PATJ: variants seen among roughly 807,000 people sequenced by gnomAD.
PATJ encodes the protein PATJ crumbs cell polarity complex component, also known as inaD-like protein.
Under a neutral mutation model 224.9 loss-of-function variants are expected in PATJ, and 190 were observed. The observed-to-expected ratio is 0.84, with a 90% CI of 0.75 to 0.95. The LOEUF is 0.95. Ranked by LOEUF, PATJ falls within the 40% of genes least tolerant of loss-of-function variation. PATJ has a pLI of 0.00. For synonymous variants in PATJ, 769 were observed against 820.3 expected (o/e 0.94, Z 1.07); for missense variants, 2,121 against 2,270.3 (o/e 0.93, Z 1.34).
At chr1:62,047,571 T>C (rs1652796680) in intron 30 of PATJ, among the ~76,000 whole-genome samples, 1 of 152,092 alleles carries the variant, frequency 6.6e-6, no homozygotes, top group Admixed American at 6.6e-5. Flanking sequence ...ATTTCAAAGC[T>C]CCACTTGGCC....
Position 62,162,650 on chromosome 1 carries a change from GT to G in PATJ, c.*1601del. On this transcript the variant is annotated 3_prime_UTR_variant, in exon 44 of 44. Coordinates refer to ENST00000642238, the MANE Select transcript of PATJ (RefSeq NM_001350145.3). ...ACTGGTGGATGCTATAGAGTCCTCT[GT>G]TTTTAAAAGTACCATGGCCGGGTGC... The G allele has an allele frequency of 6.5e-6, 1 of 153,984 alleles. No individual in the cohort carries two copies. Among genetic ancestry groups the G allele is most frequent in the South Asian group, 1.9e-4 (1 of 5,142 alleles). 9.5% of individuals were successfully genotyped at this position (153,984 alleles called of 1,614,324 possible).
chr1:61,966,331 G>A (rs1270832262), intron 27 of PATJ, among the ~76,000 whole-genome samples: 3 of 152,190 alleles, frequency 2.0e-5, no homozygotes, highest in African/African-American at 7.2e-5. Flanking sequence ...AAGGGGTTAG[G>A]ATCCAGACCC....
chr1:61,961,322 A>C (rs1681250881), intron 27 of PATJ, among the ~76,000 whole-genome samples: 2 of 152,188 alleles, frequency 1.3e-5, no homozygotes, highest in Admixed American at 1.3e-4. Flanking sequence ...GTGTTACTAG[A>C]TATTCTGAAA....
chr1:61,979,470 T>C (rs968156890), intron 27 of PATJ, among the ~76,000 whole-genome samples: 10 of 151,802 alleles, frequency 6.6e-5, no homozygotes, highest in South Asian at 2.1e-4. Flanking sequence ...CCGGCCAACA[T>C]GGTAAAACTC....
intron 7 of PATJ, among the ~76,000 whole-genome samples, chr1:61,776,728 CTTT>C (rs34101329): frequency 2.1e-5 from 3 of 142,294 alleles, no homozygotes; most frequent in Admixed American, 7.1e-5. Context: ...GATTAATCTA[CTTT>C]TTTTTTTTTT....
intron 4 of PATJ, among the ~76,000 whole-genome samples, chr1:61,768,472 A>AAAATAAAAAAATAAAT (rs1553154658): frequency 2.0e-5 from 3 of 149,306 alleles, no homozygotes; most frequent in Admixed American, 6.6e-5. Context: ...TCCGTCTCAA[A>AAAATAAAAAAATAAAT]AAATAAATAA....
At chr1:62,132,181 GT>G (rs1158688233) in intron 41 of PATJ, among the ~76,000 whole-genome samples, 2 of 152,148 alleles carry the variant, frequency 1.3e-5, no homozygotes, top group Non-Finnish European at 2.9e-5. Context: ...GATTTGTGGT[GT>G]TTTGGTAGAA....
intron 31 of PATJ, among the ~76,000 whole-genome samples, chr1:62,054,736 A>T (rs1368379197): frequency 6.6e-6 from 1 of 152,162 alleles, no homozygotes; most frequent in Non-Finnish European, 1.5e-5. Flanking sequence ...TTTCATCTAT[A>T]ATCTCATTGG....
At chr1:62,040,259 C>T (rs1347739432) in intron 30 of PATJ, among the ~76,000 whole-genome samples, 1 of 151,950 alleles carries the variant, frequency 6.6e-6, no homozygotes, top group African/African-American at 2.4e-5. Flanking sequence ...CAGGCGCACA[C>T]TACCACGCCT....
At chr1:61,873,171 TTA>T (rs1018549114) in intron 20 of PATJ, among the ~76,000 whole-genome samples, 3 of 152,088 alleles carry the variant, frequency 2.0e-5, no homozygotes, top group Admixed American at 6.6e-5. Flanking sequence ...TTTCTTATTT[TTA>T]TTATTTATTT....
intron 27 of PATJ, among the ~76,000 whole-genome samples, chr1:61,969,902 C>T (rs955569348): frequency 1.3e-5 from 2 of 152,020 alleles, no homozygotes; most frequent in Admixed American, 6.6e-5. Flanking sequence ...CCATGTTGGC[C>T]GGACTGGTCT....
At chr1:61,976,404 G>T (rs146648224) in intron 27 of PATJ, among the ~76,000 whole-genome samples, 2,326 of 151,824 alleles carry the variant, frequency 0.015, 20 homozygotes, top group Non-Finnish European at 0.025. Flanking sequence ...GGGTTTTTTT[G>T]TTTGTTTGTT....
intron 30 of PATJ, among the ~76,000 whole-genome samples, chr1:62,042,347 G>T: frequency 6.6e-6 from 1 of 152,204 alleles, no homozygotes; most frequent in East Asian, 1.9e-4. Flanking sequence ...TCCTGTGGGC[G>T]GTATGTGAAG....
intron 35 of PATJ, 176 bp downstream of exon 35, chr1:62,114,422 G>T (rs955309830): frequency 9.9e-6 from 6 of 607,268 alleles, no homozygotes; most frequent in Non-Finnish European, 1.1e-5. Flanking sequence ...CAGAAAAATT[G>T]TCATATCAAG....
chr1:62,076,654 T>C (rs1394539742), intron 31 of PATJ, among the ~76,000 whole-genome samples: 1 of 152,206 alleles, frequency 6.6e-6, no homozygotes, highest in Non-Finnish European at 1.5e-5. Context: ...GGACCTATTA[T>C]GCACCAGATG....
At chr1:61,907,187 C>T (rs1671975094) in intron 24 of PATJ, among the ~76,000 whole-genome samples, 1 of 152,166 alleles carries the variant, frequency 6.6e-6, no homozygotes, top group African/African-American at 2.4e-5. Context: ...AACCTCTTTC[C>T]TTTATAAATT....
At chr1:62,093,034 T>A (rs968583546) in intron 33 of PATJ, among the ~76,000 whole-genome samples, 1 of 152,188 alleles carries the variant, frequency 6.6e-6, no homozygotes, top group South Asian at 2.1e-4. Context: ...TGAGCCACTG[T>A]GCCCAGCCGA....
At chr1:61,804,191 A>G (rs1307713382) in intron 12 of PATJ, among the ~76,000 whole-genome samples, 1 of 152,192 alleles carries the variant, frequency 6.6e-6, no homozygotes, top group Admixed American at 6.5e-5. Flanking sequence ...CTCTTAATGT[A>G]ATTTCTTAAG....
intron 41 of PATJ, among the ~76,000 whole-genome samples, chr1:62,134,750 T>C (rs1666646241): frequency 6.6e-6 from 1 of 152,168 alleles, no homozygotes; most frequent in Non-Finnish European, 1.5e-5. Flanking sequence ...TCTCCAAAGC[T>C]GGAGAAATCT....
Sources: allele counts gnomAD v4.1 joint callset (sites outside exome capture counted in the v4.1 genomes callset), GRCh38; gene constraint gnomAD v4.1.1; transcripts MANE v1.5; gene names NCBI Gene and HGNC (gene_info 2026-07-23, HGNC 2026-07-21).